Variants in TAOK3 observed in about 807,000 individuals in gnomAD.
TAOK3 encodes the protein TAO kinase 3, also known as serine/threonine-protein kinase TAO3.
In TAOK3, 40 loss-of-function variants were observed where a neutral mutation model predicts 120.4. The observed-to-expected ratio is 0.33, with a 90% confidence interval of 0.26 to 0.43. TAOK3 has a LOEUF of 0.43. Among genes scored for constraint, TAOK3 ranks in the 20% least tolerant of loss-of-function variants. TAOK3 has a pLI of 1.00. For missense variants in TAOK3, 821 were observed against 1,112.1 expected (o/e 0.74, Z 3.72); for synonymous variants, 355 against 387.5 (o/e 0.92, Z 0.99).
At chr12:118,243,843 A>AT (rs1347290772) in intron 4 of TAOK3, among the ~76,000 whole-genome samples, 1 of 151,742 alleles carries the variant, frequency 6.6e-6, no homozygotes, top group Non-Finnish European at 1.5e-5. Flanking sequence ...GACCAAACTA[A>AT]TTTTTTTGTA....
At chr12:118,203,102 T>C (rs1338336485) in intron 11 of TAOK3, among the ~76,000 whole-genome samples, 1 of 152,010 alleles carries the variant, frequency 6.6e-6, no homozygotes, top group Non-Finnish European at 1.5e-5. Context: ...TATTATAACT[T>C]GCCTCAATCC....
At chr12:118,165,381 G>A (rs1269946220) in intron 17 of TAOK3, among the ~76,000 whole-genome samples, 2 of 152,178 alleles carry the variant, frequency 1.3e-5, no homozygotes, top group Admixed American at 6.5e-5. Flanking sequence ...GTTGCTAAGA[G>A]CCCTGAAACT....
intron 16 of TAOK3, among the ~76,000 whole-genome samples, chr12:118,176,470 G>C (rs901205411): frequency 6.6e-6 from 1 of 152,170 alleles, no homozygotes; most frequent in East Asian, 1.9e-4. Context: ...CTATGCAGTA[G>C]AATGACCAGA....
intron 1 of TAOK3, among the ~76,000 whole-genome samples, chr12:118,318,669 G>A (rs2043576208): frequency 6.6e-6 from 1 of 152,184 alleles, no homozygotes; most frequent in South Asian, 2.1e-4. Flanking sequence ...AAAGCAGTAT[G>A]GAGGTTTCTC....
intron 1 of TAOK3, among the ~76,000 whole-genome samples, chr12:118,351,612 A>G (rs1316893972): frequency 5.3e-5 from 8 of 152,310 alleles, no homozygotes; most frequent in Admixed American, 5.2e-4. Flanking sequence ...AAAGGAAAGT[A>G]TATATTATTT....
chr12:118,227,709 A>G (rs2039574257), intron 9 of TAOK3, among the ~76,000 whole-genome samples: 1 of 152,232 alleles, frequency 6.6e-6, no homozygotes, highest in Non-Finnish European at 1.5e-5. Context: ...TATGTTACAC[A>G]GTCCCAGGAG....
chr12:118,150,921 T>G lies in TAOK3; in HGVS notation c.*76A>C. On this transcript the variant is annotated 3_prime_UTR_variant, in exon 21 of 21. Coordinates refer to ENST00000392533, the MANE Select transcript of TAOK3 (RefSeq NM_016281.4). Reference sequence around the variant, plus strand: ...GAGCAACGCCCGTTAAAATGGGGAATGTGGTTTTGCAGGGTCTGAATTTTT... The same window carrying G: ...GAGCAACGCCCGTTAAAATGGGGAAGGTGGTTTTGCAGGGTCTGAATTTTT... The G allele has an allele frequency of 7.2e-7, 1 of 1,396,896 alleles. No individual in the cohort carries two copies. Among genetic ancestry groups the G allele is most frequent in the Non-Finnish European group, 9.7e-7 (1 of 1,034,752 alleles). 86.5% of individuals were successfully genotyped at this position (1,396,896 alleles called of 1,614,324 possible).
intron 11 of TAOK3, among the ~76,000 whole-genome samples, chr12:118,202,079 A>C (rs988802548): frequency 6.6e-6 from 1 of 151,452 alleles, no homozygotes; most frequent in Admixed American, 6.6e-5. Context: ...ACTTAGCATA[A>C]TGTCTTCTGG....
At chr12:118,208,887 T>C (rs1053280627) in intron 11 of TAOK3, among the ~76,000 whole-genome samples, 3 of 152,072 alleles carry the variant, frequency 2.0e-5, no homozygotes, top group Non-Finnish European at 2.9e-5. Context: ...AATTTTTGTA[T>C]TTTTAGGAGA....
chr12:118,161,730 A>G lies in TAOK3; in HGVS notation c.2139+58T>C. 1 of 1,592,636 alleles carries G rather than the reference A, an allele frequency of 6.3e-7. No homozygotes were observed. On this transcript the variant is annotated intron_variant, in intron 18 of 20. Coordinates refer to ENST00000392533, the MANE Select transcript of TAOK3 (RefSeq NM_016281.4). The surrounding 1 kb of genome is among the most constrained non-coding windows in gnomAD (Gnocchi z 4.5). ...GAAAAGTTGCTCAGGTGACTCTGACACTTCAGGTAGAGAAACCACTGATCT... is the reference window on the plus strand; with the variant it reads ...GAAAAGTTGCTCAGGTGACTCTGACGCTTCAGGTAGAGAAACCACTGATCT...
At chr12:118,359,027 T>G (rs1314132831) in intron 1 of TAOK3, 1 of 152,188 alleles carries the variant, frequency 6.6e-6, no homozygotes, top group Non-Finnish European at 1.5e-5. Flanking sequence ...CAGAGATGGC[T>G]TCATTTAAAA....
intron 1 of TAOK3, among the ~76,000 whole-genome samples, chr12:118,308,376 C>A (rs925743452): frequency 2.0e-5 from 3 of 152,066 alleles, no homozygotes; most frequent in Admixed American, 6.5e-5. Context: ...TTCTTTTATG[C>A]CTTTACTTTC....
At chr12:118,282,258 TGA>T (rs952696578) in intron 1 of TAOK3, among the ~76,000 whole-genome samples, 2 of 152,238 alleles carry the variant, frequency 1.3e-5, no homozygotes, top group African/African-American at 4.8e-5. Flanking sequence ...GAGGATTAAA[TGA>T]GATAATATAC....
chr12:118,250,508 C>G (rs1179786905), intron 3 of TAOK3, among the ~76,000 whole-genome samples: 1 of 152,172 alleles, frequency 6.6e-6, no homozygotes, highest in African/African-American at 2.4e-5. Flanking sequence ...AGACTCTGGT[C>G]TTTATGGCTT....
intron 1 of TAOK3, among the ~76,000 whole-genome samples, chr12:118,281,842 A>ATT (rs1555240810): frequency 6.6e-6 from 1 of 152,332 alleles, no homozygotes; most frequent in African/African-American, 2.4e-5. Flanking sequence ...ATTTAGTAAT[A>ATT]AGAGAGAGAC....
At chr12:118,324,873 T>G (rs1288671860) in intron 1 of TAOK3, among the ~76,000 whole-genome samples, 1 of 150,308 alleles carries the variant, frequency 6.7e-6, no homozygotes, top group Admixed American at 6.7e-5. Context: ...GCCTCCCGAG[T>G]AGCTGGGACT....
intron 1 of TAOK3, among the ~76,000 whole-genome samples, chr12:118,305,611 C>T (rs1593476931): frequency 1.3e-5 from 2 of 151,968 alleles, no homozygotes; most frequent in African/African-American, 4.8e-5. Context: ...TTATGCATGT[C>T]AAAAAGTTGG....
chr12:118,320,089 G>T (rs1478001081), intron 1 of TAOK3, among the ~76,000 whole-genome samples: 1 of 151,982 alleles, frequency 6.6e-6, no homozygotes, highest in Non-Finnish European at 1.5e-5. Flanking sequence ...AAAAAAGCCA[G>T]ACAAAAAAGG....
chr12:118,357,438 G>A (rs1240946969), intron 1 of TAOK3, among the ~76,000 whole-genome samples: 1 of 152,144 alleles, frequency 6.6e-6, no homozygotes, highest in Non-Finnish European at 1.5e-5. Flanking sequence ...GGGTCAGTGT[G>A]ATCTTTGCAG....
Sources: allele counts gnomAD v4.1 joint callset (sites outside exome capture counted in the v4.1 genomes callset), GRCh38; gene constraint gnomAD v4.1.1; non-coding constraint Gnocchi (gnomAD v3.1); transcripts MANE v1.5; gene names NCBI Gene and HGNC (gene_info 2026-07-23, HGNC 2026-07-21).